Variants in PTPRT observed in about 807,000 individuals in gnomAD.
PTPRT encodes protein tyrosine phosphatase receptor type T.
In PTPRT, 56 loss-of-function variants were observed where a neutral mutation model predicts 176.8. That is an observed-to-expected ratio of 0.32 (90% CI 0.26 to 0.40). The LOEUF (loss-of-function observed/expected upper bound fraction) is 0.40, where lower values mean the gene tolerates loss of function less well. Among genes scored for constraint, PTPRT ranks in the 10% least tolerant of loss-of-function variants. PTPRT has a pLI of 1.00. For missense variants in PTPRT, 1,540 were observed against 1,908.2 expected (o/e 0.81, Z 3.60); for synonymous variants, 783 against 739.0 (o/e 1.06, Z -0.96).
chr20:42,417,614 T>C (rs898462363), intron 9 of PTPRT, among the ~76,000 whole-genome samples: 16 of 150,100 alleles, frequency 1.1e-4, no homozygotes, highest in African/African-American at 3.9e-4. Context: ...TAAAAAAAAA[T>C]GGACAAGCTA....
intron 7 of PTPRT, among the ~76,000 whole-genome samples, chr20:42,579,290 T>C (rs1481709104): frequency 6.6e-6 from 1 of 152,146 alleles, no homozygotes; most frequent in Admixed American, 6.5e-5. Flanking sequence ...GGCCACATTT[T>C]CTTAATCCAG....
chr20:42,608,196 T>C (rs767899889), intron 7 of PTPRT, among the ~76,000 whole-genome samples: 1 of 152,284 alleles, frequency 6.6e-6, no homozygotes, highest in South Asian at 2.1e-4. Flanking sequence ...AAGTACTCAA[T>C]AGCCACAGCT....
intron 7 of PTPRT, among the ~76,000 whole-genome samples, chr20:42,563,313 A>G (rs1206870970): frequency 6.6e-6 from 1 of 152,180 alleles, no homozygotes; most frequent in Non-Finnish European, 1.5e-5. Flanking sequence ...ATCAACAAAG[A>G]ATAACACATT....
chr20:42,326,692 G>A (rs1265883508), intron 11 of PTPRT, among the ~76,000 whole-genome samples: 1 of 152,132 alleles, frequency 6.6e-6, no homozygotes, highest in African/African-American at 2.4e-5. Flanking sequence ...ACACGGCTTG[G>A]TAGAGTGGGT....
intron 2 of PTPRT, among the ~76,000 whole-genome samples, chr20:42,835,502 G>C (rs1009385653): frequency 6.6e-6 from 1 of 152,126 alleles, no homozygotes; most frequent in African/African-American, 2.4e-5. Context: ...AGTATTAAAC[G>C]CAGGGGGAAA....
intron 2 of PTPRT, among the ~76,000 whole-genome samples, chr20:42,861,518 G>C (rs2078660317): frequency 6.6e-6 from 1 of 151,876 alleles, no homozygotes; most frequent in Non-Finnish European, 1.5e-5. Flanking sequence ...ACTATGTGTT[G>C]CTTGTTGTGC....
chr20:42,682,479 C>T (rs1467136740), intron 6 of PTPRT, among the ~76,000 whole-genome samples: 1 of 152,186 alleles, frequency 6.6e-6, no homozygotes, highest in Admixed American at 6.5e-5. Context: ...GTTTCTTATC[C>T]ATGAGGCTTT....
In PTPRT at chr20:42,817,363, GT is replaced by G. The variant is rs35081877; in HGVS notation, c.215-25898del. Among the ~76,000 whole-genome samples the G allele has an allele frequency of 7.7e-3, 1,059 of 138,012 alleles. 8 individuals carry two copies. The highest frequency in any genetic ancestry group is 0.031 in the Admixed American group (436 of 13,976). 90.5% of individuals were successfully genotyped at this position (138,012 alleles called of 152,430 possible). ...TTATTTGACATCTTAATCATGTTTG[GT>G]TTTTTTTTTTTTTTTGGTTTAACAG... On this transcript the variant is annotated intron_variant, in intron 2 of 30. Transcript: ENST00000373187.
intron 5 of PTPRT, among the ~76,000 whole-genome samples, chr20:42,769,343 A>G (rs1569145179): frequency 6.6e-6 from 1 of 152,214 alleles, no homozygotes; most frequent in Non-Finnish European, 1.5e-5. Flanking sequence ...GTGTGGAGAG[A>G]CAGCTAGGCA....
At chr20:42,603,530 C>T (rs1276768317) in intron 7 of PTPRT, among the ~76,000 whole-genome samples, 1 of 152,264 alleles carries the variant, frequency 6.6e-6, no homozygotes, top group Admixed American at 6.5e-5. Context: ...GCTGGTGCGA[C>T]TAGATCTTGC....
intron 1 of PTPRT, among the ~76,000 whole-genome samples, chr20:42,913,512 A>G (rs1978534268): frequency 6.6e-6 from 1 of 152,150 alleles, no homozygotes; most frequent in African/African-American, 2.4e-5. Context: ...GTCCACCCTA[A>G]GGACCTCATC....
At chr20:42,790,224 TA>T (rs3091721) in intron 3 of PTPRT, among the ~76,000 whole-genome samples, 45,763 of 144,016 alleles carry the variant, frequency 0.32, 7,536 homozygotes, top group East Asian at 0.62. Flanking sequence ...ATAACATTGT[TA>T]AAAAAAAAAA....
chr20:42,406,208 G>A (rs552905647), intron 9 of PTPRT, among the ~76,000 whole-genome samples: 4 of 151,756 alleles, frequency 2.6e-5, no homozygotes, highest in East Asian at 1.9e-4. Flanking sequence ...TCTTTTTAGC[G>A]AAGTAAACAA....
At chr20:42,108,173 C>CGTTT (rs1190627373) in intron 23 of PTPRT, among the ~76,000 whole-genome samples, 8 of 152,132 alleles carry the variant, frequency 5.3e-5, no homozygotes, top group African/African-American at 1.4e-4. Flanking sequence ...GCCTAGTGTC[C>CGTTT]GTTTGTTTGT....
At chr20:42,189,717 G>A (rs543262171) in intron 16 of PTPRT, among the ~76,000 whole-genome samples, 12 of 152,220 alleles carry the variant, frequency 7.9e-5, no homozygotes, top group Admixed American at 5.2e-4. Context: ...TAAAGGCCAC[G>A]GGCCCAATTC....
chr20:42,106,977 G>T (rs1986512687), intron 23 of PTPRT, 56 bp from the exon 24 acceptor site: 30 of 1,589,042 alleles, frequency 1.9e-5, no homozygotes, highest in Non-Finnish European at 2.4e-5. Flanking sequence ...CCTGCCCTGG[G>T]GAGGCCCCTA....
At chr20:42,822,406 T>G (rs2077910932) in intron 2 of PTPRT, among the ~76,000 whole-genome samples, 1 of 152,200 alleles carries the variant, frequency 6.6e-6, no homozygotes, top group African/African-American at 2.4e-5. Flanking sequence ...TATCTCAAGA[T>G]AGATTAAAGA....
intron 23 of PTPRT, 39 bp from the exon 24 acceptor site, chr20:42,106,960 G>C: frequency 6.2e-7 from 1 of 1,602,788 alleles, no homozygotes; most frequent in Non-Finnish European, 8.5e-7. Flanking sequence ...GATCTTCATG[G>C]GGGGAACCTG....
intron 1 of PTPRT, among the ~76,000 whole-genome samples, chr20:43,014,255 C>T (rs1985272074): frequency 1.3e-5 from 2 of 152,178 alleles, no homozygotes; most frequent in African/African-American, 2.4e-5. Flanking sequence ...CCAAGTCTGT[C>T]GCTCTGTTAT....
Sources: allele counts gnomAD v4.1 joint callset (sites outside exome capture counted in the v4.1 genomes callset), GRCh38; gene constraint gnomAD v4.1.1; transcripts MANE v1.5; gene names NCBI Gene and HGNC (gene_info 2026-07-23, HGNC 2026-07-21).